PRKG2: variants seen among roughly 807,000 people sequenced by gnomAD.
PRKG2 encodes the protein cGMP-dependent protein kinase 2.
PRKG2 carries 33 observed loss-of-function variants against 97.2 expected under a neutral mutation model. That is an observed-to-expected ratio of 0.34 (90% confidence interval 0.26 to 0.45). The LOEUF is 0.45. Among genes scored for constraint, PRKG2 ranks in the 20% least tolerant of loss-of-function variants. The pLI, the probability that PRKG2 is intolerant of heterozygous loss-of-function variation, is 1.00. For synonymous variants in PRKG2, 330 were observed against 321.8 expected (o/e 1.03, Z -0.27); for missense variants, 638 against 900.0 (o/e 0.71, Z 3.73).
intron 4 of PRKG2, among the ~76,000 whole-genome samples, chr4:81,170,888 G>A (rs1256910480): frequency 6.6e-6 from 1 of 152,052 alleles, no homozygotes; most frequent in African/African-American, 2.4e-5. Context: ...TTCTAGATGA[G>A]CCAAAGGCAT....
At chr4:81,157,182 G>C (rs979039602) in intron 6 of PRKG2, among the ~76,000 whole-genome samples, 1 of 151,966 alleles carries the variant, frequency 6.6e-6, no homozygotes, top group Non-Finnish European at 1.5e-5. Context: ...TAGACCACTA[G>C]CAAGATTAAT....
rs1379758063 is a variant in PRKG2, at chr4:81,201,772, A to C, written c.461+2815T>G. Among the ~76,000 whole-genome samples, 3 of 152,162 alleles carry C rather than the reference A, an allele frequency of 2.0e-5. No homozygotes were observed. The East Asian group carries it at 5.8e-4, about 29-fold the overall frequency. On this transcript the variant is annotated intron_variant, in intron 2 of 18. Coordinates refer to ENST00000264399, the MANE Select transcript of PRKG2 (RefSeq NM_006259.3). ...GCTTCATATCTCCCTAATATTGTTG[A>C]CTGAAGGAGAGCTAGGAGTCTCCCC...
chr4:81,106,025 C>T (rs1489833042), intron 15 of PRKG2, 90 bp from the exon 16 acceptor site: 2 of 1,415,122 alleles, frequency 1.4e-6, no homozygotes, highest in Admixed American at 2.2e-5. Context: ...TCTTTCCTTC[C>T]CTCCCTTCTT....
At chr4:81,184,844 T>C (rs1018363979) in intron 2 of PRKG2, among the ~76,000 whole-genome samples, 10 of 152,128 alleles carry the variant, frequency 6.6e-5, no homozygotes, top group African/African-American at 1.9e-4. Context: ...TTGAGAAGCA[T>C]ATACAAGTAT....
At chr4:81,176,956 T>C (rs1382472281) in intron 2 of PRKG2, among the ~76,000 whole-genome samples, 1 of 152,170 alleles carries the variant, frequency 6.6e-6, no homozygotes, top group Non-Finnish European at 1.5e-5. Flanking sequence ...AATCTATCCA[T>C]CTAGTACTTA....
At chr4:81,201,840 C>A (rs1345390525) in intron 2 of PRKG2, among the ~76,000 whole-genome samples, 1 of 152,158 alleles carries the variant, frequency 6.6e-6, no homozygotes, top group Non-Finnish European at 1.5e-5. Context: ...GAAATACTCT[C>A]TTAGACAAAA....
chr4:81,106,983 C>T (rs1743409979), intron 15 of PRKG2, among the ~76,000 whole-genome samples: 1 of 152,126 alleles, frequency 6.6e-6, no homozygotes, highest in Non-Finnish European at 1.5e-5. Context: ...CTTAAGCCAC[C>T]CAGTTTATAG....
intron 2 of PRKG2, among the ~76,000 whole-genome samples, chr4:81,194,053 A>G (rs1578508520): frequency 1.3e-5 from 2 of 152,064 alleles, no homozygotes; most frequent in East Asian, 3.9e-4. Context: ...TTTCTCTTCT[A>G]CCCTACCAAG....
At chr4:81,114,167 G>T (rs1398448636) in intron 14 of PRKG2, among the ~76,000 whole-genome samples, 1 of 152,074 alleles carries the variant, frequency 6.6e-6, no homozygotes. Flanking sequence ...CTTCTCCTGT[G>T]AGGTTCTGTA....
chr4:81,151,932 A>C, intron 8 of PRKG2, 28 bp downstream of exon 8: 3 of 1,529,058 alleles, frequency 2.0e-6, no homozygotes, highest in Non-Finnish European at 2.7e-6. Context: ...ATTTTATCCA[A>C]AGTATGGCAT....
chr4:81,185,424 T>C (rs1316171822), intron 2 of PRKG2, among the ~76,000 whole-genome samples: 2 of 152,112 alleles, frequency 1.3e-5, no homozygotes, highest in African/African-American at 4.8e-5. Context: ...AACAAGCAAA[T>C]GCTGAGAGAT....
intron 6 of PRKG2, among the ~76,000 whole-genome samples, chr4:81,163,031 G>C (rs1749698028): frequency 6.6e-6 from 1 of 152,144 alleles, no homozygotes; most frequent in South Asian, 2.1e-4. Flanking sequence ...GGAAAAGCTT[G>C]AAAGGGGATA....
At chr4:81,137,596 A>C in intron 12 of PRKG2, 114 bp from the exon 13 acceptor site, 1 of 785,632 alleles carries the variant, frequency 1.3e-6, no homozygotes, top group East Asian at 2.5e-5. Flanking sequence ...ATCTCCATAT[A>C]AATACCCCAC....
intron 2 of PRKG2, among the ~76,000 whole-genome samples, chr4:81,198,699 A>G (rs1560623610): frequency 6.6e-6 from 1 of 152,166 alleles, no homozygotes; most frequent in Non-Finnish European, 1.5e-5. Flanking sequence ...CCAAGCTTTA[A>G]TTTCACCTTC....
chr4:81,146,532 C>G (rs1747875488), intron 9 of PRKG2, among the ~76,000 whole-genome samples: 1 of 152,130 alleles, frequency 6.6e-6, no homozygotes, highest in Non-Finnish European at 1.5e-5. Context: ...CCTTCTTGCA[C>G]TGTAAGCAAT....
Position 81,135,168 on chromosome 4 carries a change from C to A in PRKG2, c.1763G>T (p.Gly588Val). The change falls in exon 14 of 19, where the codon GGT becomes GTT. Residue 588 changes from glycine to valine, a missense_variant. Physicochemically the swap from Gly to Val is moderately radical, Grantham distance 109. Coordinates refer to ENST00000264399, the MANE Select transcript of PRKG2 (RefSeq NM_006259.3). Reference protein sequence around the residue: ...KPENLILDAEGYLKLVDFGFA... With the variant: ...KPENLILDAEVYLKLVDFGFA... ...AAGTTGTCTTACCAATTTAAGGTAA[C>A]CCTCAGCATCTAGAATTAAGTTTTC... is the stretch of plus-strand genomic sequence containing the variant. The A allele has an allele frequency of 1.2e-6, 2 of 1,604,750 alleles. No individual in the cohort carries two copies. The highest frequency in any genetic ancestry group is 1.7e-6 in the Non-Finnish European group (2 of 1,175,226).
chr4:81,135,551 C>A lies in PRKG2; in HGVS notation c.1635-255G>T, dbSNP rs150920959. ...TCAACAACTGTTTTTGGTAATCACACATGGACATGTAAAAGAGAAAAATCC... is the reference window on the plus strand; with the variant it reads ...TCAACAACTGTTTTTGGTAATCACAAATGGACATGTAAAAGAGAAAAATCC... On this transcript the variant is annotated intron_variant, in intron 13 of 18. Transcript: ENST00000264399. Among the ~76,000 whole-genome samples the A allele has an allele frequency of 5.6e-4, 85 of 152,282 alleles. 1 individual carries two copies. The East Asian group carries it at 0.013, about 23-fold the overall frequency.
Position 81,089,596 on chromosome 4 carries a change from C to A in PRKG2, c.*112G>T. The A allele has an allele frequency of 1.3e-6, 1 of 777,966 alleles. No individual in the cohort carries two copies. The highest frequency in any genetic ancestry group is 2.0e-5 in the South Asian group (1 of 50,790). The allele number at this position is 777,966 out of a possible 1,614,324, so 48.2% of individuals were successfully genotyped here. A position where few individuals can be genotyped will look rare whatever the true frequency, so the allele number is the denominator to read the frequency against. On this transcript the variant is annotated 3_prime_UTR_variant, in exon 19 of 19. Transcript: ENST00000264399. Reference sequence around the variant, plus strand: ...CCCATTGTGCAGGAATTTCTTTTCCCTAATGGTCTTCCAAAGATATTATAA... The same window carrying A: ...CCCATTGTGCAGGAATTTCTTTTCCATAATGGTCTTCCAAAGATATTATAA...
rs556505214 is a variant in PRKG2 at position 81,189,199 on chromosome 4, T to C, written c.462-14240A>G. 4.7e-4 allele frequency among the ~76,000 whole-genome samples: 60 copies of C among 126,896 alleles called. 6 individuals are homozygous for C. Among genetic ancestry groups the C allele is most frequent in the African/African-American group, 3.2e-4 (7 of 22,076 alleles). 83.2% of individuals were successfully genotyped at this position (126,896 alleles called of 152,430 possible). ...TCTATTTCTAATTACATATCTGTCTTATTGTTTTGCCATCTAAATTTTTAT... is the reference window on the plus strand; with the variant it reads ...TCTATTTCTAATTACATATCTGTCTCATTGTTTTGCCATCTAAATTTTTAT... On this transcript the variant is annotated intron_variant, in intron 2 of 18. Transcript: ENST00000264399.
Sources: allele counts gnomAD v4.1 joint callset (sites outside exome capture counted in the v4.1 genomes callset), GRCh38; gene constraint gnomAD v4.1.1; transcripts MANE v1.5; gene names NCBI Gene and HGNC (gene_info 2026-07-23, HGNC 2026-07-21).